Variants in CNTN5 observed in about 807,000 individuals in gnomAD.
CNTN5 encodes contactin 5, also known as contactin-5.
A neutral mutation model predicts 129.1 loss-of-function variants in CNTN5; 77 were observed. That is an observed-to-expected ratio of 0.60 (90% confidence interval 0.50 to 0.72). CNTN5 has a LOEUF of 0.72. Among genes scored for constraint, CNTN5 ranks in the 30% least tolerant of loss-of-function variants. The pLI, the probability that CNTN5 is intolerant of heterozygous loss-of-function variation, is 0.00. For synonymous variants in CNTN5, 509 were observed against 465.6 expected (o/e 1.09, Z -1.20); for missense variants, 1,478 against 1,328.8 (o/e 1.11, Z -1.75).
At chr11:99,338,919 G>GAT (rs10534485) in intron 2 of CNTN5, among the ~76,000 whole-genome samples, 8,591 of 126,776 alleles carry the variant, frequency 0.068, 349 homozygotes, top group Non-Finnish European at 0.095. Flanking sequence ...TTCATTCACA[G>GAT]ATATATATAT....
At chr11:99,530,005 C>T (rs989894482) in intron 2 of CNTN5, among the ~76,000 whole-genome samples, 1 of 151,978 alleles carries the variant, frequency 6.6e-6, no homozygotes, top group Non-Finnish European at 1.5e-5. Context: ...GGACATAAAA[C>T]ATTTAAGGAA....
chr11:99,233,196 T>A (rs1861091814), intron 1 of CNTN5, among the ~76,000 whole-genome samples: 1 of 152,224 alleles, frequency 6.6e-6, no homozygotes, highest in Admixed American at 6.5e-5. Flanking sequence ...AATTGAATTA[T>A]CCTAGATAAG....
intron 1 of CNTN5, among the ~76,000 whole-genome samples, chr11:99,043,567 A>T (rs1864093267): frequency 6.6e-6 from 1 of 152,218 alleles, no homozygotes; most frequent in Non-Finnish European, 1.5e-5. Flanking sequence ...GACTACAGGG[A>T]GCTTCCTATT....
At chr11:100,037,461 A>C (rs1459260414) in intron 9 of CNTN5, among the ~76,000 whole-genome samples, 2 of 152,078 alleles carry the variant, frequency 1.3e-5, no homozygotes, top group East Asian at 1.9e-4. Flanking sequence ...CGGGTTTGGT[A>C]TCAGGATGAT....
chr11:99,680,136 G>A (rs1798506222), intron 3 of CNTN5, among the ~76,000 whole-genome samples: 1 of 152,152 alleles, frequency 6.6e-6, no homozygotes, highest in Non-Finnish European at 1.5e-5. Flanking sequence ...AGCAGAAAGT[G>A]CTGATGTAGA....
At chr11:99,288,225 T>TC (rs1263928005) in intron 1 of CNTN5, among the ~76,000 whole-genome samples, 2 of 151,966 alleles carry the variant, frequency 1.3e-5, no homozygotes, top group African/African-American at 2.4e-5. Context: ...GCAGGGTTTT[T>TC]TTTTTACAAG....
intron 21 of CNTN5, among the ~76,000 whole-genome samples, chr11:100,319,479 A>T (rs938209062): frequency 7.9e-5 from 12 of 152,140 alleles, no homozygotes; most frequent in Non-Finnish European, 2.9e-5. Context: ...GACAGATGAA[A>T]TTATATGGAT....
intron 3 of CNTN5, among the ~76,000 whole-genome samples, chr11:99,562,480 T>C (rs934195464): frequency 6.6e-6 from 1 of 152,136 alleles, no homozygotes; most frequent in African/African-American, 2.4e-5. Context: ...CTCCTCTACA[T>C]TCGTTACAAA....
intron 2 of CNTN5, among the ~76,000 whole-genome samples, chr11:99,358,795 C>T (rs11219590): frequency 0.63 from 95,499 of 151,944 alleles, 31,387 homozygotes; most frequent in African/African-American, 0.83. Context: ...TATTACCTGT[C>T]AACATTGATT....
chr11:99,667,827 A>G (rs997570225), intron 3 of CNTN5, among the ~76,000 whole-genome samples: 2 of 152,058 alleles, frequency 1.3e-5, no homozygotes, highest in Admixed American at 6.6e-5. Flanking sequence ...AACTTAGAGG[A>G]TGGGTCAATA....
chr11:99,384,781 G>T (rs1940820860), intron 2 of CNTN5, among the ~76,000 whole-genome samples: 1 of 152,052 alleles, frequency 6.6e-6, no homozygotes, highest in Non-Finnish European at 1.5e-5. Context: ...AATAATAATT[G>T]TATATATGGA....
At chr11:99,637,944 GT>G (rs1312430463) in intron 3 of CNTN5, among the ~76,000 whole-genome samples, 1 of 151,964 alleles carries the variant, frequency 6.6e-6, no homozygotes, top group Non-Finnish European at 1.5e-5. Context: ...CTTGTAGGTT[GT>G]TTTTATTTTT....
intron 3 of CNTN5, among the ~76,000 whole-genome samples, chr11:99,602,088 G>A (rs569752497): frequency 6.6e-6 from 1 of 151,878 alleles, no homozygotes; most frequent in Non-Finnish European, 1.5e-5. Flanking sequence ...AAATTCATCA[G>A]ATAAAGTACA....
chr11:99,322,936 T>C (rs72983716), intron 1 of CNTN5, among the ~76,000 whole-genome samples: 5,074 of 152,272 alleles, frequency 0.033, 115 homozygotes, highest in Middle Eastern at 0.068. Flanking sequence ...TGACCTATGG[T>C]GTGTGAAGCA....
At chr11:99,052,864 A>T (rs903176570) in intron 1 of CNTN5, among the ~76,000 whole-genome samples, 8 of 151,986 alleles carry the variant, frequency 5.3e-5, no homozygotes, top group Non-Finnish European at 1.0e-4. Flanking sequence ...TCTGTCTGTA[A>T]TGCTATAATA....
chr11:100,286,696 T>G (rs1346264969), intron 18 of CNTN5, among the ~76,000 whole-genome samples: 2 of 149,240 alleles, frequency 1.3e-5, no homozygotes, highest in Non-Finnish European at 3.0e-5. Context: ...AAAAGCAGAG[T>G]GCCTCTCCTC....
intron 13 of CNTN5, among the ~76,000 whole-genome samples, chr11:100,159,497 T>A (rs997344503): frequency 2.0e-5 from 3 of 151,834 alleles, no homozygotes; most frequent in Admixed American, 1.3e-4. Flanking sequence ...TAAAAAAAAA[T>A]GATCATTGCA....
At chr11:99,381,967 G>T (rs751623377) in intron 2 of CNTN5, among the ~76,000 whole-genome samples, 7 of 133,944 alleles carry the variant, frequency 5.2e-5, no homozygotes, top group Admixed American at 8.0e-5. Flanking sequence ...GAGAAAAATC[G>T]TAGTCTCCCT....
chr11:100,093,039 C>T (rs1366154896), intron 13 of CNTN5, among the ~76,000 whole-genome samples: 5 of 152,082 alleles, frequency 3.3e-5, no homozygotes, highest in Non-Finnish European at 5.9e-5. Context: ...TGAGCCTCTT[C>T]AGCAGCAATA....
Sources: gnomAD v4.1 joint callset for allele counts (sites outside exome capture counted in the v4.1 genomes callset) on GRCh38, gnomAD v4.1.1 for gene constraint, MANE v1.5 for transcripts, NCBI Gene and HGNC (gene_info 2026-07-23, HGNC 2026-07-21) for gene names.